Variants in ALDH1L2 observed in about 807,000 individuals in gnomAD.
ALDH1L2 encodes mitochondrial 10-formyltetrahydrofolate dehydrogenase.
In ALDH1L2, 91 loss-of-function variants were observed where a neutral mutation model predicts 111.0. The observed-to-expected ratio is 0.82, with a 90% CI of 0.69 to 0.98. ALDH1L2 has a LOEUF of 0.98. ALDH1L2 is among the 50% of genes least tolerant of loss of function. The pLI, the probability that ALDH1L2 is intolerant of heterozygous loss-of-function variation, is 0.00. For missense variants in ALDH1L2, 995 were observed against 1,126.8 expected, an observed-to-expected ratio of 0.88 and a Z score of 1.67; for synonymous variants, 374 against 392.6, an observed-to-expected ratio of 0.95 and a Z score of 0.56.
chr12:105,060,062 T>G (rs73179946), intron 9 of ALDH1L2, among the ~76,000 whole-genome samples: 4,062 of 152,262 alleles, frequency 0.027, 83 homozygotes, highest in South Asian at 0.05. Flanking sequence ...CCCTTTCAAC[T>G]TGCTCTAAAC....
rs982017817 is a variant in ALDH1L2 at position 105,071,531 on chromosome 12, A to G, written c.194-727T>C. 4.1e-5 allele frequency among the ~76,000 whole-genome samples: 6 copies of G among 146,418 alleles called. No individual in the cohort carries two copies. The East Asian group carries it at 1.2e-3, about 30-fold the overall frequency. On this transcript the variant is annotated intron_variant, in intron 2 of 22. Coordinates refer to ENST00000258494, the MANE Select transcript of ALDH1L2 (RefSeq NM_001034173.4). ...CAAACAGCACACGCCTATTTTTTTC[A>G]TAATGAAATGTCATTTTTACTGTGT...
chr12:105,082,169 G>A (rs771821940), intron 1 of ALDH1L2, among the ~76,000 whole-genome samples: 1 of 152,224 alleles, frequency 6.6e-6, no homozygotes, highest in Non-Finnish European at 1.5e-5. Flanking sequence ...GTTCCAGCCT[G>A]AGTGACAAAG....
chr12:105,062,391 A>G (rs1194317940), intron 7 of ALDH1L2, among the ~76,000 whole-genome samples: 1 of 152,234 alleles, frequency 6.6e-6, no homozygotes, highest in Non-Finnish European at 1.5e-5. Context: ...TCTGTAAGCT[A>G]CAAATTCCCT....
intron 21 of ALDH1L2, among the ~76,000 whole-genome samples, chr12:105,027,048 A>AT (rs1474195176): frequency 6.6e-6 from 1 of 152,110 alleles, no homozygotes; most frequent in Non-Finnish European, 1.5e-5. Flanking sequence ...TTTTAAAAAA[A>AT]TTTTTTTGTA....
At chr12:105,074,931 A>C (rs973215292) in intron 1 of ALDH1L2, among the ~76,000 whole-genome samples, 1 of 152,250 alleles carries the variant, frequency 6.6e-6, no homozygotes, top group Non-Finnish European at 1.5e-5. Context: ...GCTTCAACAA[A>C]TACTTGCAAA....
At chr12:105,047,647 T>C (rs1024772612) in intron 13 of ALDH1L2, 2 of 152,238 alleles carry the variant, frequency 1.3e-5, no homozygotes, top group African/African-American at 4.8e-5. Flanking sequence ...AAGTTGGCTG[T>C]TATATGCAGC....
chr12:105,039,853 G>A (rs768910051), intron 16 of ALDH1L2, 47 bp from the exon 17 acceptor site: 10 of 1,563,760 alleles, frequency 6.4e-6, no homozygotes, highest in African/African-American at 1.4e-5. Flanking sequence ...ACTCAAGGCC[G>A]GGCGCGGTGG....
chr12:105,076,227 C>T lies in ALDH1L2; in HGVS notation c.49-2222G>A, dbSNP rs79059080. 4.6e-3 allele frequency among the ~76,000 whole-genome samples: 694 copies of T among 152,320 alleles called. 19 individuals carry two copies. In the East Asian group the frequency reaches 0.08, roughly 18 times the overall value. Reference sequence around the variant, plus strand: ...TGCATTTTAACAAACTCTTCAGTGACTCAGAAGTACATGGAAGTCTGAGAA... The same window carrying T: ...TGCATTTTAACAAACTCTTCAGTGATTCAGAAGTACATGGAAGTCTGAGAA... On this transcript the variant is annotated intron_variant, in intron 1 of 22. Coordinates refer to ENST00000258494, the MANE Select transcript of ALDH1L2 (RefSeq NM_001034173.4).
At position 105,036,527 on chromosome 12, in the gene ALDH1L2, T is replaced by C. The variant is rs1400997390; in HGVS notation, c.2145+1576A>G. Among the ~76,000 whole-genome samples, 7 of 20,250 alleles carry C rather than the reference T, an allele frequency of 3.5e-4. 1 individual carries two copies. In the African/African-American group the frequency reaches 3.5e-3, roughly 10 times the overall value. 13.3% of individuals were successfully genotyped at this position (20,250 alleles called of 152,430 possible). ...TATATATATATTTTATATATATATA[T>C]ATATATATATATATATATATATATA... On this transcript the variant is annotated intron_variant, in intron 18 of 22. Coordinates refer to ENST00000258494, the MANE Select transcript of ALDH1L2 (RefSeq NM_001034173.4).
chr12:105,045,120 G>A (rs1875763531), intron 15 of ALDH1L2, among the ~76,000 whole-genome samples: 2 of 152,132 alleles, frequency 1.3e-5, no homozygotes, highest in Admixed American at 1.3e-4. Context: ...TTTCACTCTT[G>A]TTGCCCAGGC....
intron 4 of ALDH1L2, among the ~76,000 whole-genome samples, chr12:105,067,073 G>C (rs1028320276): frequency 6.6e-6 from 1 of 151,934 alleles, no homozygotes; most frequent in Non-Finnish European, 1.5e-5. Flanking sequence ...AAAATCAGCC[G>C]GGCGTGGTGG....
chr12:105,072,009 C>G (rs1419080428), intron 2 of ALDH1L2, among the ~76,000 whole-genome samples: 2 of 151,278 alleles, frequency 1.3e-5, no homozygotes, highest in Non-Finnish European at 2.9e-5. Context: ...TCACTTGAGC[C>G]CAGGTGTTCC....
intron 18 of ALDH1L2, 119 bp downstream of exon 18, chr12:105,037,984 C>G: frequency 1.4e-6 from 1 of 732,916 alleles, no homozygotes; most frequent in South Asian, 1.8e-5. Flanking sequence ...TCAGGCTCGT[C>G]TTGAACTCCT....
chr12:105,081,811 A>G (rs1241834199), intron 1 of ALDH1L2, among the ~76,000 whole-genome samples: 1 of 152,250 alleles, frequency 6.6e-6, no homozygotes, highest in Non-Finnish European at 1.5e-5. Flanking sequence ...GGATTTTGCT[A>G]GGTTCTGAAA....
Position 105,058,117 on chromosome 12 carries a change from T to C in ALDH1L2, c.1243A>G (p.Lys415Glu), listed in dbSNP as rs778116831. 1 of 1,613,330 alleles carries C rather than the reference T, an allele frequency of 6.2e-7. No individual in the cohort carries two copies. Among genetic ancestry groups the C allele is most frequent in the South Asian group, 1.1e-5 (1 of 90,826 alleles). Residue 415 changes from lysine to glutamate, a missense_variant, in exon 10 of 23, where the codon AAA becomes GAA. Lys to Glu is a moderately conservative substitution (Grantham distance 56). Transcript: ENST00000258494. ...FEGFIQKVVR[K>E]LRGEDQEVEL... ...ACCTCTTGATCTTCTCCTCTCAGTT[T>C]CCTCACGACCTTTTGGATAAAGCCT...
At chr12:105,030,580 C>T (rs1391896073) in intron 20 of ALDH1L2, 151 bp from the exon 21 acceptor site, 2 of 513,432 alleles carry the variant, frequency 3.9e-6, no homozygotes. Flanking sequence ...TGTTGGCATG[C>T]CCAGGTTCTT....
chr12:105,067,007 T>C (rs533607801), intron 4 of ALDH1L2, among the ~76,000 whole-genome samples: 2 of 152,026 alleles, frequency 1.3e-5, no homozygotes, highest in East Asian at 3.9e-4. Context: ...GGCAGGCGGA[T>C]CACGAAGTCA....
At chr12:105,052,336 G>A (rs1592785789) in intron 11 of ALDH1L2, 119 bp from the exon 12 acceptor site, 1 of 1,077,502 alleles carries the variant, frequency 9.3e-7, no homozygotes, top group Admixed American at 2.8e-5. Flanking sequence ...GTTATGATAA[G>A]AAATGAGTAT....
At chr12:105,041,945 A>T (rs1339202391) in intron 15 of ALDH1L2, among the ~76,000 whole-genome samples, 1 of 152,122 alleles carries the variant, frequency 6.6e-6, no homozygotes, top group Non-Finnish European at 1.5e-5. Context: ...TACTCCAGCT[A>T]CTTCTCCAAG....
Sources: allele counts gnomAD v4.1 joint callset (sites outside exome capture counted in the v4.1 genomes callset), GRCh38; gene constraint gnomAD v4.1.1; transcripts MANE v1.5; gene names NCBI Gene and HGNC (gene_info 2026-07-23, HGNC 2026-07-21).